Variants in SMARCC1 observed in about 807,000 individuals in gnomAD.
SMARCC1 encodes SWI/SNF related BAF chromatin remodeling complex subunit C1.
Under a neutral mutation model 147.4 loss-of-function variants are expected in SMARCC1, and 43 were observed. The ratio of observed to expected loss-of-function variants is 0.29; its 90% CI spans 0.23 to 0.38. The LOEUF is 0.38. SMARCC1 is among the 10% of genes least tolerant of loss of function. The probability of loss-of-function intolerance (pLI) is 1.00; values close to 1 mark genes in which losing one functional copy is unlikely to be tolerated. For synonymous variants in SMARCC1, 495 were observed against 484.4 expected (o/e 1.02, Z -0.29); for missense variants, 1,119 against 1,381.1 (o/e 0.81, Z 3.01).
At chr3:47,596,953 T>C (rs1159353014) in intron 26 of SMARCC1, among the ~76,000 whole-genome samples, 3 of 151,774 alleles carry the variant, frequency 2.0e-5, no homozygotes, top group African/African-American at 4.8e-5. Flanking sequence ...CCCGGCACTT[T>C]GGGAGGCCGA....
intron 19 of SMARCC1, 77 bp from the exon 20 acceptor site, chr3:47,662,669 CT>C (rs879787725): frequency 1.2e-4 from 143 of 1,216,654 alleles, no homozygotes; most frequent in Non-Finnish European, 1.6e-4. Flanking sequence ...CTTTAGATAG[CT>C]TTTTTAAAAA....
chr3:47,655,023 G>A (rs758422444), intron 21 of SMARCC1, among the ~76,000 whole-genome samples: 12 of 152,296 alleles, frequency 7.9e-5, no homozygotes, highest in Non-Finnish European at 1.8e-4. Context: ...GAGATGGCTA[G>A]ACTGGCACTT....
chr3:47,714,359 T>C (rs771927646), intron 8 of SMARCC1, 56 bp downstream of exon 8: 24 of 1,065,728 alleles, frequency 2.3e-5, no homozygotes, highest in Non-Finnish European at 3.3e-5. Flanking sequence ...TGAGACGCCA[T>C]CTCAAAAAAA....
intron 25 of SMARCC1, among the ~76,000 whole-genome samples, chr3:47,612,979 C>G (rs902491347): frequency 6.6e-6 from 1 of 152,164 alleles, no homozygotes; most frequent in Non-Finnish European, 1.5e-5. Context: ...TTTTCTTGTT[C>G]TAGATACCTT....
At chr3:47,641,489 G>GA (rs1332613529) in intron 21 of SMARCC1, among the ~76,000 whole-genome samples, 4 of 151,606 alleles carry the variant, frequency 2.6e-5, no homozygotes, top group African/African-American at 9.7e-5. Flanking sequence ...TGTTTCAAAG[G>GA]AAAAAAGAAG....
chr3:47,616,496 A>T (rs1408545069), intron 25 of SMARCC1, among the ~76,000 whole-genome samples: 1 of 151,696 alleles, frequency 6.6e-6, no homozygotes, highest in East Asian at 1.9e-4. Flanking sequence ...CCCAGGCTGG[A>T]GTACAATGGC....
At chr3:47,695,925 G>GATA (rs1361973992) in intron 11 of SMARCC1, among the ~76,000 whole-genome samples, 1 of 125,526 alleles carries the variant, frequency 8.0e-6, no homozygotes, top group Non-Finnish European at 1.7e-5. Flanking sequence ...AAATCAGCCG[G>GATA]GCGTGGTGGT....
chr3:47,762,775 A>C (rs879522947), intron 2 of SMARCC1, among the ~76,000 whole-genome samples: 2 of 151,992 alleles, frequency 1.3e-5, no homozygotes, highest in South Asian at 4.1e-4. Context: ...TATAAGAATT[A>C]GCCAGGTGTG....
At chr3:47,641,987 C>G (rs1300438707) in intron 21 of SMARCC1, among the ~76,000 whole-genome samples, 2 of 152,098 alleles carry the variant, frequency 1.3e-5, no homozygotes, top group Non-Finnish European at 2.9e-5. Context: ...AATGCTCAGG[C>G]TGGTCTTAAC....
chr3:47,595,642 T>G (rs570540995), intron 26 of SMARCC1, among the ~76,000 whole-genome samples: 1 of 152,318 alleles, frequency 6.6e-6, no homozygotes, highest in South Asian at 2.1e-4. Flanking sequence ...AGAGGTACCA[T>G]TTATATGCAG....
chr3:47,596,977 C>CTT (rs1257560600), intron 26 of SMARCC1, among the ~76,000 whole-genome samples: 1 of 151,472 alleles, frequency 6.6e-6, no homozygotes, highest in African/African-American at 2.4e-5. Context: ...AGGCAGATGA[C>CTT]GAGGTCAGGC....
At chr3:47,653,954 T>A (rs920145568) in intron 21 of SMARCC1, among the ~76,000 whole-genome samples, 1 of 152,162 alleles carries the variant, frequency 6.6e-6, no homozygotes, top group South Asian at 2.1e-4. Context: ...CCACAAACCA[T>A]AAATTCACTA....
At chr3:47,662,666 T>C (rs965212418) in intron 19 of SMARCC1, 74 bp from the exon 20 acceptor site, 19 of 1,250,642 alleles carry the variant, frequency 1.5e-5, no homozygotes, top group Middle Eastern at 1.9e-4. Flanking sequence ...GTTCTTTAGA[T>C]AGCTTTTTTA....
intron 14 of SMARCC1, among the ~76,000 whole-genome samples, chr3:47,682,329 C>T (rs926110004): frequency 2.6e-5 from 4 of 151,436 alleles, no homozygotes; most frequent in Non-Finnish European, 2.9e-5. Context: ...AACTGGAGTT[C>T]AGTGACAAGA....
chr3:47,674,646 T>C (rs978041220), intron 18 of SMARCC1, among the ~76,000 whole-genome samples: 5 of 152,100 alleles, frequency 3.3e-5, no homozygotes, highest in Admixed American at 3.3e-4. Context: ...ATCTGTTCTT[T>C]TTATGTGTGT....
chr3:47,683,388 T>G (rs933546923), intron 14 of SMARCC1, among the ~76,000 whole-genome samples: 4 of 152,094 alleles, frequency 2.6e-5, no homozygotes, highest in Admixed American at 1.3e-4. Flanking sequence ...TCTCAATATT[T>G]GAGCCACAGA....
intron 2 of SMARCC1, among the ~76,000 whole-genome samples, chr3:47,752,552 G>A (rs75445297): frequency 0.01 from 1,555 of 152,098 alleles, 23 homozygotes; most frequent in African/African-American, 0.035. Context: ...TTGAGAGGCC[G>A]GGACAGGAGG....
chr3:47,745,407 C>T (rs2034554010), intron 3 of SMARCC1, among the ~76,000 whole-genome samples: 1 of 152,108 alleles, frequency 6.6e-6, no homozygotes, highest in Admixed American at 6.6e-5. Context: ...TAAGAAATCA[C>T]TTCCCTAATA....
At chr3:47,596,320 A>G (rs2032281284) in intron 26 of SMARCC1, among the ~76,000 whole-genome samples, 1 of 152,070 alleles carries the variant, frequency 6.6e-6, no homozygotes, top group Non-Finnish European at 1.5e-5. Flanking sequence ...CTATAATCCC[A>G]GCACTTTGGG....
Sources: gnomAD v4.1 joint callset for allele counts (sites outside exome capture counted in the v4.1 genomes callset) on GRCh38, gnomAD v4.1.1 for gene constraint, MANE v1.5 for transcripts, NCBI Gene and HGNC (gene_info 2026-07-23, HGNC 2026-07-21) for gene names.